CAPN2: variants seen among roughly 807,000 people sequenced by gnomAD.
The protein encoded by CAPN2 is calpain 2.
Under a neutral mutation model 102.3 loss-of-function variants are expected in CAPN2, and 92 were observed. The ratio of observed to expected loss-of-function variants is 0.90; its 90% CI spans 0.76 to 1.07. CAPN2 has a LOEUF of 1.07. Among genes scored for constraint, CAPN2 ranks in the 50% least tolerant of loss-of-function variants. The probability of loss-of-function intolerance (pLI) is 0.00; values close to 1 mark genes in which losing one functional copy is unlikely to be tolerated. For synonymous variants in CAPN2, 340 were observed against 355.4 expected, an observed-to-expected ratio of 0.96 and a Z score of 0.49; for missense variants, 800 against 909.4, an observed-to-expected ratio of 0.88 and a Z score of 1.55.
Position 223,771,823 on chromosome 1 carries a change from T to C in CAPN2, c.1918T>C (p.Cys640Arg). The change falls in exon 19 of 21, where the codon TGT becomes CGT. Residue 640 changes from cysteine (C) to arginine (R), a missense_variant. By Grantham distance (180) the Cys-to-Arg change is radical (BLOSUM62 -3). Transcript: ENST00000295006. The stretch of plus-strand genomic sequence containing the variant: ...TGTAACTTCAGGTTTCAAGATGCCC[T>C]GTCAACTCCACCAAGTCATCGTTGC... The part of the protein sequence containing the change: ...ALEEAGFKMP[C>R]QLHQVIVARF... The C allele has an allele frequency of 6.2e-7, 1 of 1,612,502 alleles. No homozygotes were observed. Among genetic ancestry groups the C allele is most frequent in the Non-Finnish European group, 8.5e-7 (1 of 1,178,456 alleles).
At chr1:223,714,343 G>C (rs1016829067) in intron 1 of CAPN2, among the ~76,000 whole-genome samples, 1 of 152,016 alleles carries the variant, frequency 6.6e-6, no homozygotes, top group African/African-American at 2.4e-5. Context: ...TCACTCATTT[G>C]ACAACACTGA....
chr1:223,720,155 G>A (rs1405622458), intron 2 of CAPN2, among the ~76,000 whole-genome samples: 6 of 152,088 alleles, frequency 3.9e-5, no homozygotes, highest in South Asian at 2.1e-4. Flanking sequence ...TTCCAAAAAC[G>A]GAGAAGGAAG....
At position 223,751,987 on chromosome 1, in the gene CAPN2, T is replaced by G; in HGVS notation, c.900-10T>G. The G allele has an allele frequency of 6.3e-7, 1 of 1,591,990 alleles. No individual in the cohort carries two copies. On this transcript the variant is annotated splice_polypyrimidine_tract_variant and intron_variant, in intron 7 of 20. Coordinates refer to ENST00000295006, the MANE Select transcript of CAPN2 (RefSeq NM_001748.5). Reference sequence around the variant, plus strand: ...TACACTAACGCCTCTCTCTTTACTTTGTTTTCCAGCTGCCCAAGCTGGAAC... The same window carrying G: ...TACACTAACGCCTCTCTCTTTACTTGGTTTTCCAGCTGCCCAAGCTGGAAC...
At chr1:223,722,258 C>T (rs965296294) in intron 2 of CAPN2, among the ~76,000 whole-genome samples, 3 of 147,576 alleles carry the variant, frequency 2.0e-5, no homozygotes, top group Non-Finnish European at 3.0e-5. Context: ...TATTTCTTTT[C>T]CTTTCTTTCT....
Position 223,774,933 on chromosome 1 carries a change from T to C in CAPN2, c.*76T>C, listed in dbSNP as rs1661576157. 8.0e-7 allele frequency: 1 copy of C among 1,255,044 alleles called. No homozygotes were observed. Among genetic ancestry groups the C allele is most frequent in the Non-Finnish European group, 1.2e-6 (1 of 864,468 alleles). 77.7% of individuals were successfully genotyped at this position (1,255,044 alleles called of 1,614,324 possible). A position where few individuals can be genotyped will look rare whatever the true frequency, so the allele number is the denominator to read the frequency against. ...GACTAAGCTTCCATAGAAATACACT[T>C]TGTATCTGGACCTCAAAATTATGGG... On this transcript the variant is annotated 3_prime_UTR_variant, in exon 21 of 21. Coordinates refer to ENST00000295006, the MANE Select transcript of CAPN2 (RefSeq NM_001748.5).
chr1:223,732,379 A>G (rs190993370), intron 2 of CAPN2, among the ~76,000 whole-genome samples: 2 of 152,352 alleles, frequency 1.3e-5, no homozygotes, highest in East Asian at 3.9e-4. Flanking sequence ...TTTCTTGATT[A>G]TATGCTAAAC....
intron 2 of CAPN2, among the ~76,000 whole-genome samples, chr1:223,718,877 G>A (rs923193115): frequency 1.3e-5 from 2 of 152,208 alleles, no homozygotes; most frequent in African/African-American, 2.4e-5. Flanking sequence ...TACAGCTAAA[G>A]TGGTGGCTGG....
chr1:223,757,100 G>C (rs1030438398), intron 10 of CAPN2, among the ~76,000 whole-genome samples: 7 of 152,192 alleles, frequency 4.6e-5, no homozygotes, highest in Admixed American at 2.6e-4. Context: ...GGCCGATATG[G>C]GCTTTGCCAC....
rs145228300 is a variant in CAPN2 at position 223,765,796 on chromosome 1, C to T, written c.1691-571C>T. ...GACATAACAAAAAGGCTGGGCTTTT[C>T]GTGAAGTCTGTGGGGAGCCAGGTTC... On this transcript the variant is annotated intron_variant, in intron 15 of 20. Transcript: ENST00000295006. Among the ~76,000 whole-genome samples the T allele has an allele frequency of 5.3e-3, 810 of 152,250 alleles. 9 individuals carry two copies. The highest frequency in any genetic ancestry group is 0.017 in the Middle Eastern group (5 of 294).
Position 223,759,790 on chromosome 1 carries a change from C to T in CAPN2, c.1529+309C>T, listed in dbSNP as rs918741136. On this transcript the variant is annotated intron_variant, in intron 12 of 20. Transcript: ENST00000295006. This position sits in a 1 kb window ranked among gnomAD's most constrained non-coding sequence, Gnocchi z 4.6. The stretch of plus-strand genomic sequence containing the variant: ...AAGTTGGTACTTTAATGTTAAACTA[C>T]GAATCCAGTCTCGTCATTTGAAGAA... Among the ~76,000 whole-genome samples, 2 of 152,208 alleles carry T rather than the reference C, an allele frequency of 1.3e-5. No homozygotes were observed. The highest frequency in any genetic ancestry group is 2.4e-5 in the African/African-American group (1 of 41,460).
intron 1 of CAPN2, among the ~76,000 whole-genome samples, chr1:223,702,367 C>A (rs114276843): frequency 6.6e-6 from 1 of 151,254 alleles, no homozygotes; most frequent in African/African-American, 2.4e-5. Context: ...GTAGAGGTTG[C>A]GGTAAGCTGA....
intron 12 of CAPN2, 30 bp from the exon 13 acceptor site, chr1:223,761,551 C>T: frequency 1.2e-6 from 2 of 1,602,672 alleles, no homozygotes; most frequent in Non-Finnish European, 1.7e-6. Context: ...GCCTGCCTTC[C>T]AGTAACACAT....
In CAPN2 at chr1:223,742,800, C is replaced by T. The variant is rs972435060; in HGVS notation, c.308-1300C>T. Among the ~76,000 whole-genome samples, 5 of 152,156 alleles carry T rather than the reference C, an allele frequency of 3.3e-5. No individual in the cohort carries two copies. The East Asian group carries it at 7.7e-4, about 23-fold the overall frequency. On this transcript the variant is annotated intron_variant, in intron 2 of 20. Transcript: ENST00000295006. Reference sequence around the variant, plus strand: ...CCTCCCAAAGTGTTGGGATTACAGGCGTGAGCCGCTGCGCCTAGTCTTCAG... The same window carrying T: ...CCTCCCAAAGTGTTGGGATTACAGGTGTGAGCCGCTGCGCCTAGTCTTCAG...
At chr1:223,770,661 C>T in intron 18 of CAPN2, 136 bp downstream of exon 18, 1 of 564,420 alleles carries the variant, frequency 1.8e-6, no homozygotes, top group Non-Finnish European at 3.2e-6. Flanking sequence ...ACAGACACCT[C>T]CTTTTCATTC....
In CAPN2 at chr1:223,726,970, G is replaced by T. The variant is rs28370036; in HGVS notation, c.307+9139G>T. ...AAGCCCCTCCCTGCCAGTTTCAGAG[G>T]GATGGCCCTGAATTGGCTTTTCAGA... On this transcript the variant is annotated intron_variant, in intron 2 of 20. Transcript: ENST00000295006. This position sits in a 1 kb window ranked among gnomAD's most constrained non-coding sequence, Gnocchi z 4.4. Among the ~76,000 whole-genome samples the T allele has an allele frequency of 3.3e-5, 5 of 152,260 alleles. No individual in the cohort carries two copies. The highest frequency in any genetic ancestry group is 3.4e-3 in the Middle Eastern group (1 of 294).
chr1:223,758,488 T>C (rs890604944), intron 11 of CAPN2: 2 of 152,226 alleles, frequency 1.3e-5, no homozygotes, highest in African/African-American at 4.8e-5. Flanking sequence ...GCTTTTATAG[T>C]GCATCATACA....
intron 17 of CAPN2, 81 bp from the exon 18 acceptor site, chr1:223,770,366 C>G: frequency 1.1e-6 from 1 of 871,896 alleles, no homozygotes; most frequent in South Asian, 1.5e-5. Context: ...AAAACTTCAT[C>G]CCCACTCAGC....
upstream of CAPN2, among the ~76,000 whole-genome samples, chr1:223,710,436 A>G (rs1571775567): frequency 6.6e-6 from 1 of 152,142 alleles, no homozygotes; most frequent in Non-Finnish European, 1.5e-5. Context: ...TAAACCAAAA[A>G]TAAAATTCTA....
chr1:223,766,448 T>C lies in CAPN2; in HGVS notation c.1755+17T>C. ...ATGCTAGATGTATCCTTTAATGTGC[T>C]CCAGGGAATAGAGACTGGGGGAGTT... On this transcript the variant is annotated intron_variant, in intron 16 of 20. Transcript: ENST00000295006. The C allele has an allele frequency of 1.3e-6, 2 of 1,586,352 alleles. No individual in the cohort carries two copies. The highest frequency in any genetic ancestry group is 1.7e-6 in the Non-Finnish European group (2 of 1,154,820).
Sources: allele counts gnomAD v4.1 joint callset (sites outside exome capture counted in the v4.1 genomes callset), GRCh38; gene constraint gnomAD v4.1.1; non-coding constraint Gnocchi (gnomAD v3.1); transcripts MANE v1.5; gene names NCBI Gene and HGNC (gene_info 2026-07-23, HGNC 2026-07-21).